NCAM2: variants seen among roughly 807,000 people sequenced by gnomAD.
NCAM2 encodes neural cell adhesion molecule 2, also known as N-CAM-2.
A neutral mutation model predicts 98.1 loss-of-function variants in NCAM2; 30 were observed. That is an observed-to-expected ratio of 0.31 (90% CI 0.23 to 0.41). The LOEUF (loss-of-function observed/expected upper bound fraction) is 0.41, where lower values mean the gene tolerates loss of function less well. Ranked by LOEUF, NCAM2 falls within the 10% of genes least tolerant of loss-of-function variation. The pLI is 1.00. For missense variants in NCAM2, 867 were observed against 1,005.8 expected (o/e 0.86, Z 1.87); for synonymous variants, 368 against 342.4 (o/e 1.07, Z -0.83).
chr21:21,059,717 ATGTTTTAT>A (rs1287479024), intron 1 of NCAM2, among the ~76,000 whole-genome samples: 2 of 152,066 alleles, frequency 1.3e-5, no homozygotes, highest in African/African-American at 4.8e-5. Context: ...CTCAATGAGG[ATGTTTTAT>A]CCCACAGAAC....
intron 1 of NCAM2, among the ~76,000 whole-genome samples, chr21:21,153,425 T>G (rs575016246): frequency 6.6e-6 from 1 of 152,034 alleles, no homozygotes; most frequent in East Asian, 1.9e-4. Context: ...CCTTGCCTTG[T>G]ATATATGCAT....
chr21:21,512,113 T>C (rs1269330181), intron 16 of NCAM2, among the ~76,000 whole-genome samples: 1 of 152,008 alleles, frequency 6.6e-6, no homozygotes, highest in African/African-American at 2.4e-5. Flanking sequence ...GTGATCCCAT[T>C]TGTCCATGTT....
chr21:21,525,059 A>C (rs1207918905), intron 16 of NCAM2, among the ~76,000 whole-genome samples: 3 of 152,140 alleles, frequency 2.0e-5, no homozygotes, highest in Admixed American at 1.3e-4. Flanking sequence ...GAATATAAGA[A>C]AGATTTAAAG....
At chr21:21,446,022 G>A (rs746667300) in intron 12 of NCAM2, among the ~76,000 whole-genome samples, 1 of 152,138 alleles carries the variant, frequency 6.6e-6, no homozygotes, top group South Asian at 2.1e-4. Flanking sequence ...TGCAGGGCAG[G>A]CCTGGTGGTG....
At chr21:21,322,320 T>A (rs1394383093) in intron 5 of NCAM2, among the ~76,000 whole-genome samples, 4 of 150,550 alleles carry the variant, frequency 2.7e-5, no homozygotes, top group Non-Finnish European at 5.9e-5. Context: ...AAGAGGGAGG[T>A]GGGATGGTCT....
At chr21:21,206,287 A>G (rs143259554) in intron 1 of NCAM2, among the ~76,000 whole-genome samples, 17 of 152,296 alleles carry the variant, frequency 1.1e-4, no homozygotes, top group African/African-American at 4.1e-4. Flanking sequence ...GGTAGGACAG[A>G]ATTTTTACAA....
intron 1 of NCAM2, among the ~76,000 whole-genome samples, chr21:21,190,983 T>A (rs1382366005): frequency 6.6e-6 from 1 of 152,190 alleles, no homozygotes; most frequent in African/African-American, 2.4e-5. Flanking sequence ...AGGCCGTGTA[T>A]ATTTACATAC....
chr21:21,135,646 T>G (rs183041213), intron 1 of NCAM2, among the ~76,000 whole-genome samples: 2 of 152,316 alleles, frequency 1.3e-5, no homozygotes, highest in African/African-American at 4.8e-5. Context: ...TTGGAATGCT[T>G]GTACTCTCAC....
At chr21:21,320,310 TA>T (rs1485277524) in intron 5 of NCAM2, among the ~76,000 whole-genome samples, 1 of 152,230 alleles carries the variant, frequency 6.6e-6, no homozygotes, top group African/African-American at 2.4e-5. Flanking sequence ...GTATTTAGTT[TA>T]TAGTAATCAG....
chr21:21,022,611 A>G (rs2064460738), intron 1 of NCAM2, among the ~76,000 whole-genome samples: 1 of 152,182 alleles, frequency 6.6e-6, no homozygotes, highest in South Asian at 2.1e-4. Flanking sequence ...CACCCTCTGT[A>G]TCTAAAGAAT....
intron 1 of NCAM2, among the ~76,000 whole-genome samples, chr21:21,052,232 C>A (rs117563997): frequency 6.7e-6 from 1 of 148,546 alleles, no homozygotes; most frequent in Non-Finnish European, 1.5e-5. Flanking sequence ...GGCAACATCT[C>A]GGCCCACTGC....
intron 1 of NCAM2, among the ~76,000 whole-genome samples, chr21:21,279,453 GT>G (rs1180249850): frequency 6.6e-6 from 1 of 152,092 alleles, no homozygotes; most frequent in Non-Finnish European, 1.5e-5. Context: ...CCGCCTTCCA[GT>G]TTCAAGCAAT....
At chr21:21,489,454 TC>T (rs1986670010) in intron 15 of NCAM2, among the ~76,000 whole-genome samples, 1 of 152,104 alleles carries the variant, frequency 6.6e-6, no homozygotes, top group Non-Finnish European at 1.5e-5. Context: ...CCTCTTTCTC[TC>T]TCTGTCTCTC....
chr21:21,166,723 T>G (rs531561633), intron 1 of NCAM2, among the ~76,000 whole-genome samples: 1 of 152,330 alleles, frequency 6.6e-6, no homozygotes, highest in South Asian at 2.1e-4. Flanking sequence ...CAGATCATCA[T>G]CACATTGTGT....
intron 1 of NCAM2, among the ~76,000 whole-genome samples, chr21:21,161,561 TTG>T (rs35510967): frequency 0.52 from 77,679 of 149,238 alleles, 20,049 homozygotes; most frequent in South Asian, 0.59. Context: ...GTGCTCTCAT[TTG>T]TGTGTGTGTG....
chr21:21,227,844 C>T (rs899433689), intron 1 of NCAM2, among the ~76,000 whole-genome samples: 1 of 151,750 alleles, frequency 6.6e-6, no homozygotes, highest in Non-Finnish European at 1.5e-5. Context: ...AGTTAAAGAG[C>T]TTTTGTGAGT....
chr21:21,069,429 G>C (rs1450215678), intron 1 of NCAM2, among the ~76,000 whole-genome samples: 1 of 152,136 alleles, frequency 6.6e-6, no homozygotes, highest in Non-Finnish European at 1.5e-5. Context: ...TCCCAGAGTA[G>C]TAATTGCAAA....
intron 1 of NCAM2, among the ~76,000 whole-genome samples, chr21:21,217,869 A>C (rs73316727): frequency 0.033 from 5,001 of 152,268 alleles, 293 homozygotes; most frequent in African/African-American, 0.11. Flanking sequence ...CGAAAACAGG[A>C]TGGAGGTGAC....
At chr21:21,435,749 C>G (rs1053359960) in intron 12 of NCAM2, among the ~76,000 whole-genome samples, 1 of 152,140 alleles carries the variant, frequency 6.6e-6, no homozygotes, top group Non-Finnish European at 1.5e-5. Context: ...ATTCTTTCTA[C>G]TTGAGATTAA....
Sources: allele counts gnomAD v4.1 joint callset (sites outside exome capture counted in the v4.1 genomes callset), GRCh38; gene constraint gnomAD v4.1.1; transcripts MANE v1.5; gene names NCBI Gene and HGNC (gene_info 2026-07-23, HGNC 2026-07-21).